SLC38A8: variants seen among roughly 807,000 people sequenced by gnomAD.
The protein encoded by SLC38A8 is solute carrier family 38 member 8.
In SLC38A8, 65 loss-of-function variants were observed where a neutral mutation model predicts 46.0. The ratio of observed to expected loss-of-function variants is 1.41; its 90% CI spans 1.16 to 1.74. The LOEUF (loss-of-function observed/expected upper bound fraction) is 1.74, where lower values mean the gene tolerates loss of function less well. SLC38A8 is among the 40% of genes most tolerant of loss of function. SLC38A8 has a pLI of 0.00. For synonymous variants in SLC38A8, 447 were observed against 243.7 expected (o/e 1.83, Z -7.77); for missense variants, 998 against 567.9 (o/e 1.76, Z -7.70).
At chr16:84,021,432 T>G (rs1309508561) in intron 7 of SLC38A8, among the ~76,000 whole-genome samples, 1 of 152,214 alleles carries the variant, frequency 6.6e-6, no homozygotes, top group Non-Finnish European at 1.5e-5. Flanking sequence ...GCCAAATTAT[T>G]TGCCAGCTTC....
chr16:84,013,325 C>A (rs150792599), intron 9 of SLC38A8, among the ~76,000 whole-genome samples: 5 of 152,116 alleles, frequency 3.3e-5, no homozygotes, highest in South Asian at 2.1e-4. Context: ...CATGCCCCCC[C>A]ACAGCAGAGT....
In SLC38A8 at chr16:84,042,003, G is replaced by T; in HGVS notation, c.155C>A (p.Ala52Glu). 6.2e-7 allele frequency: 1 copy of T among 1,610,858 alleles called. No homozygotes were observed. Among genetic ancestry groups the T allele is most frequent in the Non-Finnish European group, 8.5e-7 (1 of 1,178,270 alleles). ...CAGGAAGGCAGGGACCACTCCGCCC[G>T]CTTTGGAGAAGGCCCAGGGGAAGTT... ...LLNFPWAFSK[A>E]GGVVPAFLVE... is the part of the protein sequence containing the mutation. Residue 52 changes from alanine (A) to glutamate (E), a missense_variant, in exon 2 of 11, where the codon GCG becomes GAG. Coordinates refer to ENST00000299709, the MANE Select transcript of SLC38A8 (RefSeq NM_001080442.3).
chr16:84,043,149 C>T (rs1356265418), upstream of SLC38A8, among the ~76,000 whole-genome samples: 1 of 152,196 alleles, frequency 6.6e-6, no homozygotes, highest in African/African-American at 2.4e-5. Context: ...CGTCTCAGAG[C>T]TAATCCCATG....
intron 3 of SLC38A8, among the ~76,000 whole-genome samples, chr16:84,036,119 G>C (rs117736488): frequency 6.6e-6 from 1 of 152,150 alleles, no homozygotes; most frequent in Non-Finnish European, 1.5e-5. Context: ...GGTCGAAACC[G>C]TGAAGGAATC....
rs2085291410 is a variant in SLC38A8, at chr16:84,035,574, C to T, written c.388+1128G>A. On this transcript the variant is annotated intron_variant, in intron 3 of 10. Coordinates refer to ENST00000299709, the MANE Select transcript of SLC38A8 (RefSeq NM_001080442.3). ...TTTAAAATCCCAAGCCATTCTCAGG[C>T]TGGTGTTGCAAAAAGGACATATAAA... Among the ~76,000 whole-genome samples the T allele has an allele frequency of 3.3e-5, 5 of 152,142 alleles. No individual in the cohort carries two copies. In the South Asian group the frequency reaches 1.0e-3, roughly 32 times the overall value.
chr16:84,027,590 G>C (rs2085180636), intron 6 of SLC38A8, among the ~76,000 whole-genome samples: 1 of 152,142 alleles, frequency 6.6e-6, no homozygotes, highest in Non-Finnish European at 1.5e-5. Context: ...GCCCTCTCCA[G>C]CCTTACCCCC....
At chr16:84,026,014 C>A (rs1216495945) in intron 6 of SLC38A8, among the ~76,000 whole-genome samples, 2 of 152,244 alleles carry the variant, frequency 1.3e-5, no homozygotes, top group Non-Finnish European at 2.9e-5. Flanking sequence ...ACAATGGGGA[C>A]CTCCGTGCAC....
chr16:84,022,135 A>G (rs973245596), intron 7 of SLC38A8, among the ~76,000 whole-genome samples: 2 of 152,218 alleles, frequency 1.3e-5, no homozygotes, highest in African/African-American at 2.4e-5. Context: ...TATTCAAACC[A>G]TAACACACAG....
At chr16:84,033,493 G>A (rs771835132) in intron 3 of SLC38A8, 24 bp from the exon 4 acceptor site, 4 of 1,571,962 alleles carry the variant, frequency 2.5e-6, no homozygotes, top group Admixed American at 3.6e-5. Flanking sequence ...GGGGAGAGCT[G>A]AGCCACAGAG....
At chr16:84,028,800 C>A (rs2085199763) in intron 6 of SLC38A8, among the ~76,000 whole-genome samples, 1 of 151,894 alleles carries the variant, frequency 6.6e-6, no homozygotes, top group African/African-American at 2.4e-5. Flanking sequence ...TATGCTATCC[C>A]ACCTGTGCTG....
intron 5 of SLC38A8, among the ~76,000 whole-genome samples, chr16:84,031,534 C>A (rs1299961854): frequency 6.6e-6 from 1 of 151,792 alleles, no homozygotes; most frequent in African/African-American, 2.4e-5. Context: ...TGTTCCCCTG[C>A]CCCGGTACAT....
rs375620631 is a variant in SLC38A8, at chr16:84,013,007, C to T, written c.1208G>A (p.Arg403Lys). Residue 403 changes from arginine to lysine, a missense_variant, in exon 10 of 11, where the codon AGA becomes AAA. Coordinates refer to ENST00000299709, the MANE Select transcript of SLC38A8 (RefSeq NM_001080442.3). ...CAMGVEPIGP[R>K]VKCCLEVWGV... ...TCATCTTAGGGACACTTACTTGACT[C>T]TTGGTCCTATAGGCTCGACACCCAT... The T allele has an allele frequency of 2.5e-6, 4 of 1,614,056 alleles. No homozygotes were observed. The highest frequency in any genetic ancestry group is 1.3e-5 in the African/African-American group (1 of 74,934).
chr16:84,036,617 C>T (rs1031949226), intron 3 of SLC38A8, 85 bp downstream of exon 3: 35 of 1,490,730 alleles, frequency 2.3e-5, no homozygotes, highest in South Asian at 6.0e-5. Context: ...AGGCCAGGGC[C>T]CCACGTCCTG....
At chr16:84,017,835 A>G (rs1200448441) in intron 7 of SLC38A8, among the ~76,000 whole-genome samples, 1 of 152,114 alleles carries the variant, frequency 6.6e-6, no homozygotes, top group Non-Finnish European at 1.5e-5. Flanking sequence ...TCTAAGAGCC[A>G]TGTTCCTTTC....
At chr16:84,034,662 C>G (rs2085281682) in intron 3 of SLC38A8, among the ~76,000 whole-genome samples, 1 of 152,174 alleles carries the variant, frequency 6.6e-6, no homozygotes, top group South Asian at 2.1e-4. Flanking sequence ...GAGAATAGCT[C>G]AAGCGTACGA....
At chr16:84,030,806 G>A (rs1399993308) in intron 5 of SLC38A8, among the ~76,000 whole-genome samples, 1 of 152,172 alleles carries the variant, frequency 6.6e-6, no homozygotes, top group Non-Finnish European at 1.5e-5. Context: ...AGTGACATCA[G>A]AAGGGTACAC....
chr16:84,010,025 G>A (rs916814827), intron 10 of SLC38A8, 148 bp from the exon 11 acceptor site: 40 of 570,088 alleles, frequency 7.0e-5, no homozygotes, highest in Non-Finnish European at 1.1e-4. Context: ...GTTACCTGTA[G>A]GGATGGGTTT....
At chr16:84,018,223 C>CTTTTTTT (rs796178053) in intron 7 of SLC38A8, among the ~76,000 whole-genome samples, 1 of 79,904 alleles carries the variant, frequency 1.3e-5, no homozygotes, top group Non-Finnish European at 2.2e-5. Flanking sequence ...GCCCTCATTC[C>CTTTTTTT]TTTTTTTTTT....
At chr16:84,034,652 G>A (rs773945605) in intron 3 of SLC38A8, among the ~76,000 whole-genome samples, 1 of 152,336 alleles carries the variant, frequency 6.6e-6, no homozygotes, top group Middle Eastern at 3.4e-3. Context: ...GAATGCATGT[G>A]AGAATAGCTC....
Sources: allele counts gnomAD v4.1 joint callset (sites outside exome capture counted in the v4.1 genomes callset), GRCh38; gene constraint gnomAD v4.1.1; transcripts MANE v1.5; gene names NCBI Gene and HGNC (gene_info 2026-07-23, HGNC 2026-07-21).